The following SEC61A2 variants were observed in gnomAD, a reference collection of about 807,000 sequenced individuals.
SEC61A2 encodes the protein protein transport protein Sec61 subunit alpha isoform 2.
Under a neutral mutation model 59.9 loss-of-function variants are expected in SEC61A2, and 28 were observed. That is an observed-to-expected ratio of 0.47 (90% CI 0.35 to 0.64). SEC61A2 has a LOEUF of 0.64. SEC61A2 is among the 30% of genes least tolerant of loss of function. SEC61A2 has a pLI of 0.01. For synonymous variants in SEC61A2, 202 were observed against 214.4 expected (o/e 0.94, Z 0.50); for missense variants, 340 against 585.9 (o/e 0.58, Z 4.33).
At position 12,164,185 on chromosome 10, in the gene SEC61A2, C is replaced by A; in HGVS notation, c.1245-83C>A. 6.6e-7 allele frequency: 1 copy of A among 1,508,860 alleles called. No individual in the cohort carries two copies. Among genetic ancestry groups the A allele is most frequent in the Non-Finnish European group, 9.0e-7 (1 of 1,114,554 alleles). 93.5% of individuals were successfully genotyped at this position (1,508,860 alleles called of 1,614,324 possible). A position where few individuals can be genotyped will look rare whatever the true frequency, so the allele number is the denominator to read the frequency against. On this transcript the variant is annotated intron_variant, in intron 11 of 11. Coordinates refer to ENST00000298428, the MANE Select transcript of SEC61A2 (RefSeq NM_018144.4). The surrounding 1 kb of genome is among the most constrained non-coding windows in gnomAD (Gnocchi z 7.3). ...GAGGCTTTAGACCCAGCTATGGCTGCTGCGCCTCGACCTGTCTTCGTCTCT... is the reference window on the plus strand; with the variant it reads ...GAGGCTTTAGACCCAGCTATGGCTGATGCGCCTCGACCTGTCTTCGTCTCT...
In SEC61A2 at chr10:12,142,566, G is replaced by A; in HGVS notation, c.142-551G>A. The A allele has an allele frequency of 1.0e-6, 1 of 958,508 alleles. No individual in the cohort carries two copies. Among genetic ancestry groups the A allele is most frequent in the Non-Finnish European group, 1.2e-6 (1 of 805,410 alleles). 59.4% of individuals were successfully genotyped at this position (958,508 alleles called of 1,614,324 possible). A position where few individuals can be genotyped will look rare whatever the true frequency, so the allele number is the denominator to read the frequency against. ...GCAAAATCATTCTACGACCAGGCAG[G>A]TATAATATTCCATAATCTACTGGTG... On this transcript the variant is annotated intron_variant, in intron 3 of 11. Transcript: ENST00000298428. This position sits in a 1 kb window ranked among gnomAD's most constrained non-coding sequence, Gnocchi z 5.4.
At chr10:12,138,678 A>G (rs1014298213) in intron 3 of SEC61A2, among the ~76,000 whole-genome samples, 7 of 152,208 alleles carry the variant, frequency 4.6e-5, no homozygotes, top group Non-Finnish European at 8.8e-5. Flanking sequence ...ATTAATTCAT[A>G]TGGTCGTTAC....
In SEC61A2 at chr10:12,162,626, AG is replaced by A. The variant is rs1834557048; in HGVS notation, c.1244+340del. On this transcript the variant is annotated intron_variant, in intron 11 of 11. Coordinates refer to ENST00000298428, the MANE Select transcript of SEC61A2 (RefSeq NM_018144.4). The surrounding 1 kb of genome is among the most constrained non-coding windows in gnomAD (Gnocchi z 6.1). ...TGGTCTGGGGTGAGTTCCAGGCATC[AG>A]GGTTTTATTTTTTGGTAACAGCTTT... is the stretch of plus-strand genomic sequence containing the variant. Among the ~76,000 whole-genome samples the A allele has an allele frequency of 6.6e-6, 1 of 152,236 alleles. No individual in the cohort carries two copies. Among genetic ancestry groups the A allele is most frequent in the Admixed American group, 6.5e-5 (1 of 15,284 alleles).
Position 12,152,526 on chromosome 10 carries a change from G to C in SEC61A2, c.462+2565G>C, listed in dbSNP as rs1431539414. 6.6e-6 allele frequency among the ~76,000 whole-genome samples: 1 copy of C among 152,158 alleles called. No homozygotes were observed. On this transcript the variant is annotated intron_variant, in intron 6 of 11. Transcript: ENST00000298428. This position sits in a 1 kb window ranked among gnomAD's most constrained non-coding sequence, Gnocchi z 5.5. The stretch of plus-strand genomic sequence containing the variant: ...TGTAATTCCAGCACTTTGAGAGGCC[G>C]AGATGGGCAGTTCACTTGAGGTCAG...
chr10:12,133,978 T>C (rs1183101377), intron 2 of SEC61A2, among the ~76,000 whole-genome samples: 1 of 152,226 alleles, frequency 6.6e-6, no homozygotes, highest in Non-Finnish European at 1.5e-5. Context: ...AAAAGAATTT[T>C]AAACTTACTA....
chr10:12,165,593 T>A (rs57287753), downstream of SEC61A2: 2 of 155,086 alleles, frequency 1.3e-5, no homozygotes, highest in African/African-American at 4.8e-5. Context: ...AGGAAAACAG[T>A]GGTCTCAAAA....
intron 1 of SEC61A2, among the ~76,000 whole-genome samples, chr10:12,132,819 G>A (rs1324168560): frequency 2.0e-5 from 3 of 152,224 alleles, no homozygotes; most frequent in East Asian, 3.9e-4. Context: ...CGGGTACCAC[G>A]GTAGAGTACA....
downstream of SEC61A2, chr10:12,167,876 T>C: frequency 1.2e-6 from 2 of 1,602,476 alleles, no homozygotes; most frequent in Non-Finnish European, 1.7e-6. Flanking sequence ...TCTTATTCAA[T>C]CAGTGTTTGC....
At chr10:12,135,335 A>T (rs1833860878) in intron 2 of SEC61A2, among the ~76,000 whole-genome samples, 1 of 152,202 alleles carries the variant, frequency 6.6e-6, no homozygotes, top group Non-Finnish European at 1.5e-5. Context: ...TAATAATAAA[A>T]TAAAAATATT....
chr10:12,153,673 AATAT>A lies in SEC61A2; in HGVS notation c.463-2101_463-2098del. The A allele has an allele frequency of 6.4e-7, 1 of 1,557,604 alleles. No individual in the cohort carries two copies. Among genetic ancestry groups the A allele is most frequent in the Non-Finnish European group, 8.7e-7 (1 of 1,147,958 alleles). On this transcript the variant is annotated intron_variant, in intron 6 of 11. Transcript: ENST00000298428. This position sits in a 1 kb window ranked among gnomAD's most constrained non-coding sequence, Gnocchi z 5.2. Reference sequence around the variant, plus strand: ...TGTTATGGCTAATTCTTCTAATGTTAATATATAAAGAGGGGTGTCATGTTTGATT... The same window carrying A: ...TGTTATGGCTAATTCTTCTAATGTTAATAAAGAGGGGTGTCATGTTTGATT...
chr10:12,153,791 G>T lies in SEC61A2; in HGVS notation c.463-1987G>T, dbSNP rs1359688616. On this transcript the variant is annotated intron_variant, in intron 6 of 11. Transcript: ENST00000298428. This position sits in a 1 kb window ranked among gnomAD's most constrained non-coding sequence, Gnocchi z 5.2. ...ACACTGAAGAGCTATGATTGGATCA[G>T]TGTGTTTCACCCAGAAACATAGGTT... 6.2e-7 allele frequency: 1 copy of T among 1,607,850 alleles called. No homozygotes were observed. The highest frequency in any genetic ancestry group is 8.5e-7 in the Non-Finnish European group (1 of 1,178,152).
In SEC61A2 at chr10:12,129,937, C is replaced by T. The variant is rs1003776733; in HGVS notation, c.7+143C>T. 2.8e-6 allele frequency: 2 copies of T among 718,098 alleles called. No homozygotes were observed. Among genetic ancestry groups the T allele is most frequent in the Non-Finnish European group, 3.9e-6 (2 of 510,386 alleles). 44.5% of individuals were successfully genotyped at this position (718,098 alleles called of 1,614,324 possible). Reference sequence around the variant, plus strand: ...CCGGGCCTCAGCGGAGGGCACGGGCCGGGGGCCTCCGCCGAGGCTCCCCTA... The same window carrying T: ...CCGGGCCTCAGCGGAGGGCACGGGCTGGGGGCCTCCGCCGAGGCTCCCCTA... On this transcript the variant is annotated intron_variant, in intron 1 of 11. Transcript: ENST00000298428. This position sits in a 1 kb window ranked among gnomAD's most constrained non-coding sequence, Gnocchi z 5.6.
Position 12,145,408 on chromosome 10 carries a change from C to T in SEC61A2, c.220+2213C>T, listed in dbSNP as rs1157498052. Among the ~76,000 whole-genome samples, 2 of 152,198 alleles carry T rather than the reference C, an allele frequency of 1.3e-5. No homozygotes were observed. The highest frequency in any genetic ancestry group is 1.3e-4 in the Admixed American group (2 of 15,274). ...GAGAAAGCTAAATTATCTTCCAAAA[C>T]AGTTGTTTGATTTTACACTCTCAGC... On this transcript the variant is annotated intron_variant, in intron 4 of 11. Transcript: ENST00000298428. This position sits in a 1 kb window ranked among gnomAD's most constrained non-coding sequence, Gnocchi z 4.4.
intron 8 of SEC61A2, among the ~76,000 whole-genome samples, chr10:12,157,556 G>A (rs1350989226): frequency 6.8e-6 from 1 of 147,132 alleles, no homozygotes; most frequent in Non-Finnish European, 1.5e-5. Context: ...AGGCTGGAGT[G>A]CAATGGCGCA....
intron 3 of SEC61A2, among the ~76,000 whole-genome samples, chr10:12,136,996 C>T (rs1462525549): frequency 6.6e-6 from 1 of 152,018 alleles, no homozygotes; most frequent in African/African-American, 2.4e-5. Context: ...GAACTCCTGA[C>T]CTCAGGTGAT....
rs1308862573 is a variant in SEC61A2, at chr10:12,145,151, A to G, written c.220+1956A>G. Among the ~76,000 whole-genome samples, 1 of 152,192 alleles carries G rather than the reference A, an allele frequency of 6.6e-6. No individual in the cohort carries two copies. Among genetic ancestry groups the G allele is most frequent in the Admixed American group, 6.5e-5 (1 of 15,272 alleles). ...GTTGCAGATGTATCTAAGTCAGATC[A>G]TGAAGGGCTTGGAGACCGTTGGATG... is the stretch of plus-strand genomic sequence containing the variant. On this transcript the variant is annotated intron_variant, in intron 4 of 11. Transcript: ENST00000298428. The surrounding 1 kb of genome is among the most constrained non-coding windows in gnomAD (Gnocchi z 4.4).
chr10:12,168,246 G>T (rs1394881593), downstream of SEC61A2, among the ~76,000 whole-genome samples: 2 of 152,034 alleles, frequency 1.3e-5, no homozygotes, highest in South Asian at 4.2e-4. This position sits in a 1 kb window ranked among gnomAD's most constrained non-coding sequence, Gnocchi z 4.8. Flanking sequence ...GGATGGTTTC[G>T]ATCTCCTGAC....
In SEC61A2 at chr10:12,156,988, C is replaced by T. The variant is rs1036040098; in HGVS notation, c.698C>T (p.Ala233Val). Reference sequence around the variant, plus strand: ...GACAAAGTCCGAGCTTTACGGGAGGCTTTTTATCGGCAGAACTTACCCAAT... The same window carrying T: ...GACAAAGTCCGAGCTTTACGGGAGGTTTTTTATCGGCAGAACTTACCCAAT... ...RTDKVRALREAFYRQNLPNLM... is the reference protein window; with the variant it reads ...RTDKVRALREVFYRQNLPNLM... Residue 233 changes from alanine (A) to valine (V), a missense_variant, in exon 8 of 12, where the codon GCT becomes GTT. Ala to Val is a moderately conservative substitution (Grantham distance 64). This residue lies in a region of SEC61A2 where 283 missense variants were observed against 483.2 expected (regional missense o/e 0.59). Coordinates refer to ENST00000298428, the MANE Select transcript of SEC61A2 (RefSeq NM_018144.4). The surrounding 1 kb of genome is among the most constrained non-coding windows in gnomAD (Gnocchi z 5.2). 4 of 1,613,882 alleles carry T rather than the reference C, an allele frequency of 2.5e-6. No individual in the cohort carries two copies. Among genetic ancestry groups the T allele is most frequent in the Non-Finnish European group, 3.4e-6 (4 of 1,179,936 alleles).
rs770227600 is a variant in SEC61A2 at position 12,158,443 on chromosome 10, T to G, written c.975+338T>G. On this transcript the variant is annotated intron_variant, in intron 9 of 11. Coordinates refer to ENST00000298428, the MANE Select transcript of SEC61A2 (RefSeq NM_018144.4). The surrounding 1 kb of genome is among the most constrained non-coding windows in gnomAD (Gnocchi z 5.7). Reference sequence around the variant, plus strand: ...CAATAATGCTTTCTAAAAGATGCTATTTGCTGGCTGGGTGCGGTGGCTCAC... The same window carrying G: ...CAATAATGCTTTCTAAAAGATGCTAGTTGCTGGCTGGGTGCGGTGGCTCAC... Among the ~76,000 whole-genome samples the G allele has an allele frequency of 1.1e-4, 17 of 152,128 alleles. No homozygotes were observed. Among genetic ancestry groups the G allele is most frequent in the Non-Finnish European group, 2.2e-4 (15 of 68,016 alleles).
Sources: gnomAD v4.1 joint callset for allele counts (sites outside exome capture counted in the v4.1 genomes callset) on GRCh38, gnomAD v4.1.1 for gene constraint, gnomAD v4.1.1 regional missense constraint, Gnocchi (gnomAD v3.1) non-coding constraint, MANE v1.5 for transcripts, NCBI Gene and HGNC (gene_info 2026-07-23, HGNC 2026-07-21) for gene names.